DSE: variants seen among roughly 807,000 people sequenced by gnomAD.
The protein encoded by DSE is dermatan-sulfate epimerase.
Under a neutral mutation model 84.4 loss-of-function variants are expected in DSE, and 36 were observed. The observed-to-expected ratio is 0.43, with a 90% CI of 0.33 to 0.56. DSE has a LOEUF of 0.56. Among genes scored for constraint, DSE ranks in the 20% least tolerant of loss-of-function variants. The pLI is 0.06. For missense variants in DSE, 862 were observed against 1,169.6 expected, an observed-to-expected ratio of 0.74 and a Z score of 3.84; for synonymous variants, 410 against 430.1, an observed-to-expected ratio of 0.95 and a Z score of 0.58.
At chr6:116,361,836 C>T (rs1032233325) in intron 2 of DSE, among the ~76,000 whole-genome samples, 1 of 152,118 alleles carries the variant, frequency 6.6e-6, no homozygotes, top group Non-Finnish European at 1.5e-5. Context: ...CAAAAAGTTC[C>T]TGTTTAATGC....
intron 2 of DSE, among the ~76,000 whole-genome samples, chr6:116,413,875 C>T (rs1175556672): frequency 6.6e-6 from 1 of 152,178 alleles, no homozygotes; most frequent in East Asian, 1.9e-4. Flanking sequence ...GGTGATTTGA[C>T]TACGGTTTTT....
chr6:116,409,786 A>G (rs1782193786), intron 2 of DSE, among the ~76,000 whole-genome samples: 1 of 152,166 alleles, frequency 6.6e-6, no homozygotes, highest in Admixed American at 6.5e-5. Flanking sequence ...AAGATCTAGG[A>G]ATACTTTGCC....
intron 1 of DSE, among the ~76,000 whole-genome samples, chr6:116,398,355 G>A (rs907176936): frequency 2.0e-5 from 3 of 152,198 alleles, no homozygotes; most frequent in African/African-American, 7.2e-5. Flanking sequence ...AAGTAGTTAA[G>A]AAAATATGTG....
At position 116,299,504 on chromosome 6, in the gene DSE, T is replaced by TATATA. The variant is rs1562213203; in HGVS notation, c.-54+40537_-54+40538insATATA. Among the ~76,000 whole-genome samples the TATATA allele has an allele frequency of 6.4e-3, 74 of 11,500 alleles. 6 individuals are homozygous for TATATA. The highest frequency in any genetic ancestry group is 0.011 in the Non-Finnish European group (48 of 4,268). The allele number at this position is 11,500 out of a possible 152,430, so 7.5% of individuals were successfully genotyped here. A position where few individuals can be genotyped will look rare whatever the true frequency, so the allele number is the denominator to read the frequency against. On this transcript the variant is annotated intron_variant, in intron 2 of 3. Transcript: ENST00000430252. ...TCCTGAAAGGCTTCTTGAATTATTT[T>TATATA]TATATATATATATATATATATATAT...
chr6:116,343,429 C>T (rs906539186), intron 2 of DSE, among the ~76,000 whole-genome samples: 2 of 152,186 alleles, frequency 1.3e-5, no homozygotes, highest in African/African-American at 4.8e-5. Context: ...ACAGCCAGGT[C>T]CCCCTCTGCG....
Position 116,311,883 on chromosome 6 carries a change from T to A in DSE, c.-54+52916T>A, listed in dbSNP as rs549959187. Among the ~76,000 whole-genome samples, 13 of 152,306 alleles carry A rather than the reference T, an allele frequency of 8.5e-5. 1 individual carries two copies. The highest frequency in any genetic ancestry group is 6.2e-4 in the South Asian group (3 of 4,830). Reference sequence around the variant, plus strand: ...ATCCAAAATTACATTTACTTATATGTAAATGTAAAGCAGGGACTTGACAGT... The same window carrying A: ...ATCCAAAATTACATTTACTTATATGAAAATGTAAAGCAGGGACTTGACAGT... On this transcript the variant is annotated intron_variant, in intron 2 of 3. Transcript: ENST00000430252.
In DSE at chr6:116,436,294, A is replaced by G. The variant is rs756811977; in HGVS notation, c.1826A>G (p.Gln609Arg). 7.4e-6 allele frequency: 12 copies of G among 1,614,086 alleles called. No individual in the cohort carries two copies. The highest frequency in any genetic ancestry group is 1.7e-5 in the Admixed American group (1 of 60,002). ...VDGVHGAFIR[Q>R]RDGLYKMYWM... The stretch of plus-strand genomic sequence containing the variant: ...GGTGTCCATGGGGCTTTCATCAGGC[A>G]GAGAGATGGTCTCTATAAAATGTAC... Residue 609 changes from glutamine to arginine, a missense_variant, in exon 6 of 6, where the codon CAG becomes CGG. Coordinates refer to ENST00000644252, the MANE Select transcript of DSE (RefSeq NM_013352.4).
At chr6:116,263,378 T>A (rs1370617041) in intron 2 of DSE, among the ~76,000 whole-genome samples, 1 of 149,806 alleles carries the variant, frequency 6.7e-6, no homozygotes, top group African/African-American at 2.4e-5. Flanking sequence ...TTTTTTTTTT[T>A]ATCTTTGTTG....
At chr6:116,258,529 C>T in exon 2 of DSE, 1 of 1,341,116 alleles carries the variant, frequency 7.5e-7, no homozygotes. Context: ...CCAAGAAGGC[C>T]ACACGTCCTT....
chr6:116,439,743 G>T lies in DSE; in HGVS notation c.*2398G>T, dbSNP rs1334647840. 1 of 152,126 alleles carries T rather than the reference G, an allele frequency of 6.6e-6. No individual in the cohort carries two copies. The highest frequency in any genetic ancestry group is 1.5e-5 in the Non-Finnish European group (1 of 68,020). 9.4% of individuals were successfully genotyped at this position (152,126 alleles called of 1,614,324 possible). On this transcript the variant is annotated 3_prime_UTR_variant, in exon 6 of 6. Coordinates refer to ENST00000644252, the MANE Select transcript of DSE (RefSeq NM_013352.4). ...GATAATATGTGAGCTGTTGTTCAGG[G>T]GATTGGCAGGACTCTTGGTCCTAGC...
intron 2 of DSE, among the ~76,000 whole-genome samples, chr6:116,267,665 T>A (rs1367929112): frequency 6.6e-6 from 1 of 152,174 alleles, no homozygotes; most frequent in African/African-American, 2.4e-5. Flanking sequence ...AAGTGTACAA[T>A]GTTTATAAAA....
intron 2 of DSE, chr6:116,278,751 C>A (rs1562197554): frequency 6.2e-7 from 1 of 1,614,098 alleles, no homozygotes; most frequent in Non-Finnish European, 8.5e-7. Context: ...GGGGTTCATG[C>A]CCCCTGCGCC....
chr6:116,414,947 A>G (rs1782605851), intron 2 of DSE, among the ~76,000 whole-genome samples: 1 of 152,208 alleles, frequency 6.6e-6, no homozygotes, highest in Non-Finnish European at 1.5e-5. Flanking sequence ...TTTAAAAATA[A>G]TTCATCTTTT....
At position 116,436,092 on chromosome 6, in the gene DSE, G is replaced by T. The variant is rs756422407; in HGVS notation, c.1624G>T (p.Val542Leu). The change falls in exon 6 of 6, where the codon GTG becomes TTG. Residue 542 changes from valine (V) to leucine (L), a missense_variant. Val to Leu is a conservative substitution (Grantham distance 32). This residue lies in a region of DSE where 186 missense variants were observed against 255.1 expected (regional missense o/e 0.73). Coordinates refer to ENST00000644252, the MANE Select transcript of DSE (RefSeq NM_013352.4). ...GGTGGTTTTCATCCGAGGAGAAGGT[G>T]TGGGAGCTTATAACCCCCAGCTCAA... ...NGVVFIRGEG[V>L]GAYNPQLNLK... 5.5e-5 allele frequency: 88 copies of T among 1,613,196 alleles called. No homozygotes were observed. The highest frequency in any genetic ancestry group is 7.1e-5 in the Non-Finnish European group (84 of 1,180,032).
rs1377867178 is a variant in DSE, at chr6:116,399,402, C to T, written c.152C>T (p.Ala51Val). ...DSHPMLYFSR[A>V]EVAELQLRAA... ...CATCCCATGCTGTACTTCTCCAGGG[C>T]AGAAGTGGCGGAGCTGCAGCTCAGG... The change falls in exon 2 of 6, where the codon GCA (alanine) becomes GTA (valine). Residue 51 changes from alanine to valine, a missense_variant. Transcript: ENST00000644252. 1 of 1,614,064 alleles carries T rather than the reference C, an allele frequency of 6.2e-7. No homozygotes were observed. Among genetic ancestry groups the T allele is most frequent in the Non-Finnish European group, 8.5e-7 (1 of 1,180,062 alleles).
At chr6:116,303,965 C>T (rs1775190307) in intron 2 of DSE, among the ~76,000 whole-genome samples, 2 of 151,924 alleles carry the variant, frequency 1.3e-5, no homozygotes, top group African/African-American at 4.8e-5. Context: ...GAAACCCCGT[C>T]TGTACTAAAA....
intron 2 of DSE, among the ~76,000 whole-genome samples, chr6:116,271,125 T>G (rs1308428219): frequency 6.6e-6 from 1 of 152,220 alleles, no homozygotes; most frequent in African/African-American, 2.4e-5. Context: ...TTGCTTTATT[T>G]TGTTTTTATA....
Position 116,354,836 on chromosome 6 carries a change from T to C in DSE, c.-53-44362T>C, listed in dbSNP as rs992906622. On this transcript the variant is annotated intron_variant, in intron 2 of 3. Coordinates refer to the DSE transcript ENST00000430252. ...AATAGTGACATGTTTTACATTACTT[T>C]TTATAATAAAATAGTGACAGGTTTT... Among the ~76,000 whole-genome samples, 3 of 152,288 alleles carry C rather than the reference T, an allele frequency of 2.0e-5. No individual in the cohort carries two copies. The South Asian group carries it at 6.2e-4, about 32-fold the overall frequency.
chr6:116,437,471 A>G lies in DSE; in HGVS notation c.*126A>G, dbSNP rs558124747. 6.3e-5 allele frequency: 56 copies of G among 887,994 alleles called. No homozygotes were observed. In the African/African-American group the frequency reaches 8.9e-4, roughly 14 times the overall value. The allele number at this position is 887,994 out of a possible 1,614,324, so 55.0% of individuals were successfully genotyped here. ...TCATTTTAACAAATTAAGGGAAGAT[A>G]TTTTGACACAAGAAAGCAGGAACGT... On this transcript the variant is annotated 3_prime_UTR_variant, in exon 6 of 6. Coordinates refer to ENST00000644252, the MANE Select transcript of DSE (RefSeq NM_013352.4).
Sources: allele counts gnomAD v4.1 joint callset (sites outside exome capture counted in the v4.1 genomes callset), GRCh38; gene constraint gnomAD v4.1.1; regional missense constraint gnomAD v4.1.1; transcripts MANE v1.5; gene names NCBI Gene and HGNC (gene_info 2026-07-23, HGNC 2026-07-21).